Variants in EYS observed in about 807,000 individuals in gnomAD.
EYS encodes protein eyes shut homolog.
EYS carries 250 observed loss-of-function variants against 282.1 expected under a neutral mutation model. That is an observed-to-expected ratio of 0.89 (90% confidence interval 0.80 to 0.98). The LOEUF (loss-of-function observed/expected upper bound fraction) is 0.98. Ranked by LOEUF, EYS falls within the 50% of genes least tolerant of loss-of-function variation. The pLI is 0.00. For missense variants in EYS, 4,016 were observed against 3,709.0 expected, an observed-to-expected ratio of 1.08 and a Z score of -2.15; for synonymous variants, 1,355 against 1,282.9, an observed-to-expected ratio of 1.06 and a Z score of -1.20.
In EYS at chr6:64,591,417, A is replaced by G. The variant is rs1260400598; in HGVS notation, c.4450T>C (p.Trp1484Arg). Residue 1484 changes from tryptophan to arginine, a missense_variant, in exon 26 of 43, where the codon TGG (tryptophan) becomes CGG (arginine). Trp to Arg is a moderately radical substitution (Grantham distance 101). Transcript: ENST00000503581. ...GACATCGAGGGGCTGAGCAATCTCC[A>G]GTGCTCTCTTCTTGAAATTAAAGAA... ...ADSLISRREH[W>R]RLLSPSMSPI... 9.7e-6 allele frequency: 15 copies of G among 1,551,252 alleles called. No homozygotes were observed. The highest frequency in any genetic ancestry group is 1.4e-5 in the African/African-American group (1 of 73,010).
chr6:64,574,708 C>T (rs1338685646), intron 26 of EYS, among the ~76,000 whole-genome samples: 1 of 152,104 alleles, frequency 6.6e-6, no homozygotes, highest in African/African-American at 2.4e-5. Flanking sequence ...TTCAACCAAA[C>T]ATAAAATTGG....
chr6:65,036,028 T>C (rs1410879474), intron 13 of EYS, among the ~76,000 whole-genome samples: 1 of 150,986 alleles, frequency 6.6e-6, no homozygotes, highest in Non-Finnish European at 1.5e-5. Flanking sequence ...GCCAAAGCAA[T>C]CCTTAGCACA....
intron 29 of EYS, among the ~76,000 whole-genome samples, chr6:64,343,056 C>G (rs961946914): frequency 1.3e-5 from 2 of 152,076 alleles, no homozygotes; most frequent in African/African-American, 2.4e-5. Flanking sequence ...ATTCATAAAG[C>G]AAGTACTTAG....
At chr6:64,524,876 GAC>G (rs1562041165) in intron 26 of EYS, among the ~76,000 whole-genome samples, 1 of 151,684 alleles carries the variant, frequency 6.6e-6, no homozygotes, top group East Asian at 1.9e-4. Flanking sequence ...CACATAAACA[GAC>G]ACTTTTCAAA....
chr6:65,322,095 T>TA (rs1769490951), intron 11 of EYS, among the ~76,000 whole-genome samples: 1 of 152,200 alleles, frequency 6.6e-6, no homozygotes, highest in Admixed American at 6.5e-5. Flanking sequence ...GTGCTACACT[T>TA]ATGCCAAGAA....
chr6:65,437,947 G>T (rs111410048), intron 5 of EYS, among the ~76,000 whole-genome samples: 2,645 of 151,778 alleles, frequency 0.017, 70 homozygotes, highest in African/African-American at 0.061. Context: ...ATGTTGGTGT[G>T]CTGCACCCAT....
intron 35 of EYS, among the ~76,000 whole-genome samples, chr6:63,952,258 G>A (rs1765628346): frequency 6.6e-6 from 1 of 152,150 alleles, no homozygotes; most frequent in Admixed American, 6.5e-5. Flanking sequence ...ATCTGTGTGG[G>A]ATCTCACTGG....
chr6:63,818,366 A>C lies in EYS; in HGVS notation c.7229-11994T>G, dbSNP rs1017476036. Among the ~76,000 whole-genome samples, 10 of 152,226 alleles carry C rather than the reference A, an allele frequency of 6.6e-5. 1 individual carries two copies. Among genetic ancestry groups the C allele is most frequent in the African/African-American group, 1.9e-4 (8 of 41,474 alleles). Reference sequence around the variant, plus strand: ...GATTTTCATAGTTAAGAATACATTAAGTTTCTGTTGGAGTTCACAGAAAGA... The same window carrying C: ...GATTTTCATAGTTAAGAATACATTACGTTTCTGTTGGAGTTCACAGAAAGA... On this transcript the variant is annotated intron_variant, in intron 36 of 42. Coordinates refer to ENST00000503581, the MANE Select transcript of EYS (RefSeq NM_001142800.2).
chr6:64,608,295 T>G (rs1582949264), intron 24 of EYS, among the ~76,000 whole-genome samples: 1 of 152,050 alleles, frequency 6.6e-6, no homozygotes, highest in East Asian at 1.9e-4. Context: ...TTTATGGAAC[T>G]TATTGAAGAG....
At chr6:63,885,705 T>G (rs1168379080) in intron 35 of EYS, among the ~76,000 whole-genome samples, 1 of 152,170 alleles carries the variant, frequency 6.6e-6, no homozygotes, top group East Asian at 1.9e-4. Flanking sequence ...TCTGGGGGCA[T>G]GGGAACTGAG....
intron 14 of EYS, among the ~76,000 whole-genome samples, chr6:64,967,220 G>C (rs1164403628): frequency 1.3e-5 from 2 of 151,960 alleles, no homozygotes; most frequent in Non-Finnish European, 2.9e-5. Flanking sequence ...ACACAGCTAT[G>C]TTACTCAGCT....
intron 26 of EYS, among the ~76,000 whole-genome samples, chr6:64,556,007 A>C (rs1468864269): frequency 6.6e-6 from 1 of 152,188 alleles, no homozygotes; most frequent in East Asian, 1.9e-4. Context: ...ACAAGGATGT[A>C]GAGAAGCCAG....
intron 35 of EYS, among the ~76,000 whole-genome samples, chr6:63,899,981 C>G (rs1364228496): frequency 6.6e-6 from 1 of 152,134 alleles, no homozygotes; most frequent in African/African-American, 2.4e-5. Context: ...GAATATTTTT[C>G]AGTGAAAGGA....
chr6:64,677,330 TA>T (rs1297180967), intron 22 of EYS, among the ~76,000 whole-genome samples: 1 of 152,092 alleles, frequency 6.6e-6, no homozygotes, highest in Non-Finnish European at 1.5e-5. Context: ...ACTGGTTTTT[TA>T]AAAAAACGCA....
intron 13 of EYS, among the ~76,000 whole-genome samples, chr6:65,004,094 T>C (rs960160011): frequency 2.7e-5 from 4 of 147,464 alleles, no homozygotes; most frequent in Admixed American, 1.4e-4. Context: ...GGGTGATATA[T>C]GTATAAAATA....
chr6:65,036,233 G>T (rs1038454700), intron 13 of EYS, among the ~76,000 whole-genome samples: 7 of 151,718 alleles, frequency 4.6e-5, no homozygotes, highest in Non-Finnish European at 8.8e-5. Flanking sequence ...ATGAAGAAAG[G>T]ACTCCCTATT....
chr6:65,506,052 A>G (rs1248063919), intron 2 of EYS, among the ~76,000 whole-genome samples: 1 of 152,144 alleles, frequency 6.6e-6, no homozygotes, highest in Non-Finnish European at 1.5e-5. Flanking sequence ...ATATTTTGGC[A>G]TAACGTTGCT....
At chr6:64,417,957 C>T (rs1018537123) in intron 28 of EYS, among the ~76,000 whole-genome samples, 3 of 152,164 alleles carry the variant, frequency 2.0e-5, no homozygotes, top group African/African-American at 7.2e-5. Flanking sequence ...CAGGCACGAG[C>T]CACTGCGCCT....
At chr6:64,228,713 A>C (rs1256760944) in intron 31 of EYS, among the ~76,000 whole-genome samples, 1 of 152,166 alleles carries the variant, frequency 6.6e-6, no homozygotes, top group Admixed American at 6.6e-5. Context: ...ATAGATTTCC[A>C]ATTCTTTTCC....
Sources: gnomAD v4.1 joint callset for allele counts (sites outside exome capture counted in the v4.1 genomes callset) on GRCh38, gnomAD v4.1.1 for gene constraint, MANE v1.5 for transcripts, NCBI Gene and HGNC (gene_info 2026-07-23, HGNC 2026-07-21) for gene names.